NCKIPSD: variants seen among roughly 807,000 people sequenced by gnomAD.
The protein encoded by NCKIPSD is NCK interacting protein with SH3 domain.
Under a neutral mutation model 73.4 loss-of-function variants are expected in NCKIPSD, and 48 were observed. That is an observed-to-expected ratio of 0.65 (90% CI 0.52 to 0.83). The LOEUF (loss-of-function observed/expected upper bound fraction) is 0.83, where lower values mean the gene tolerates loss of function less well. Ranked by LOEUF, NCKIPSD falls within the 40% of genes least tolerant of loss-of-function variation. The probability of loss-of-function intolerance (pLI) is 0.00; values close to 1 mark genes in which losing one functional copy is unlikely to be tolerated. For synonymous variants in NCKIPSD, 422 were observed against 403.6 expected (o/e 1.05, Z -0.54); for missense variants, 884 against 970.2 (o/e 0.91, Z 1.18).
At position 48,685,795 on chromosome 3, in the gene NCKIPSD, G is replaced by C. The variant is rs893442087; in HGVS notation, c.13C>G (p.Leu5Val). ...GGCTCCGCCGAGCGGAACGCGTACA[G>C]CGCGCGGTACATGAGGCCGGGCAGG... MYRA[L>V]YAFRSAEPNA... Residue 5 changes from leucine to valine, a missense_variant, in exon 1 of 13, where the codon CTG becomes GTG. By Grantham distance (32) the Leu-to-Val change is conservative (BLOSUM62 1). Transcript: ENST00000294129. 6.6e-7 allele frequency: 1 copy of C among 1,515,802 alleles called. No individual in the cohort carries two copies. Among genetic ancestry groups the C allele is most frequent in the Non-Finnish European group, 8.8e-7 (1 of 1,141,456 alleles). The allele number at this position is 1,515,802 out of a possible 1,614,324, so 93.9% of individuals were successfully genotyped here. A position where few individuals can be genotyped will look rare whatever the true frequency, so the allele number is the denominator to read the frequency against.
chr3:48,678,775 T>C, intron 11 of NCKIPSD, 39 bp from the exon 12 acceptor site: 1 of 1,611,106 alleles, frequency 6.2e-7, no homozygotes, highest in Non-Finnish European at 8.5e-7. Flanking sequence ...GTGGACCTTG[T>C]GGGGATCCCA....
chr3:48,675,553 T>C (rs1431470383), intron 12 of NCKIPSD, among the ~76,000 whole-genome samples: 1 of 145,448 alleles, frequency 6.9e-6, no homozygotes, highest in Admixed American at 6.9e-5. Context: ...ATATCATTTT[T>C]TTTTTTGAGA....
chr3:48,679,485 G>A, intron 8 of NCKIPSD, 28 bp from the exon 9 acceptor site: 1 of 1,607,356 alleles, frequency 6.2e-7, no homozygotes, highest in Non-Finnish European at 8.5e-7. Context: ...GGCAGTCAGA[G>A]TCCCCAAAGA....
At chr3:48,680,519 T>C (rs2077334284) in intron 5 of NCKIPSD, among the ~76,000 whole-genome samples, 1 of 152,198 alleles carries the variant, frequency 6.6e-6, no homozygotes, top group African/African-American at 2.4e-5. Context: ...AATGTGACTC[T>C]GAGACCTCAC....
intron 4 of NCKIPSD, 36 bp from the exon 5 acceptor site, chr3:48,681,816 C>G (rs748875508): frequency 6.8e-7 from 1 of 1,463,848 alleles, no homozygotes; most frequent in African/African-American, 1.4e-5. Flanking sequence ...CCAGGGCAGC[C>G]CCCTGGAAAA....
At chr3:48,684,261 T>C (rs545785741) in intron 1 of NCKIPSD, among the ~76,000 whole-genome samples, 2 of 152,192 alleles carry the variant, frequency 1.3e-5, no homozygotes, top group Admixed American at 1.3e-4. Flanking sequence ...GAGAAGATGG[T>C]AGCCTCTCTG....
In NCKIPSD at chr3:48,682,105, T is replaced by C. The variant is rs200513745; in HGVS notation, c.538A>G (p.Thr180Ala). Residue 180 changes from threonine to alanine, a missense_variant, in exon 4 of 13, where the codon ACC becomes GCC. Coordinates refer to ENST00000294129, the MANE Select transcript of NCKIPSD (RefSeq NM_016453.4). ...CGCTTCACTGGTGGGGGCGGTGTGG[T>C]GGGTGCTGCTCGGCGAGGCTGTGGT... ...IPPQPRRAAP[T>A]TPPPPVKRRD... is the part of the protein sequence containing the mutation. The C allele has an allele frequency of 1.3e-5, 21 of 1,601,242 alleles. 1 individual carries two copies. The South Asian group carries it at 2.2e-4, about 17-fold the overall frequency.
rs773184752 is a variant in NCKIPSD, at chr3:48,685,816, G to A, written c.-9C>T. 1 of 1,469,874 alleles carries A rather than the reference G, an allele frequency of 6.8e-7. No homozygotes were observed. Among genetic ancestry groups the A allele is most frequent in the Non-Finnish European group, 8.9e-7 (1 of 1,118,882 alleles). 91.1% of individuals were successfully genotyped at this position (1,469,874 alleles called of 1,614,324 possible). A position where few individuals can be genotyped will look rare whatever the true frequency, so the allele number is the denominator to read the frequency against. ...TACAGCGCGCGGTACATGAGGCCGGGCAGGGCAGGTGCAGGGAAGGTGGCA... is the reference window on the plus strand; with the variant it reads ...TACAGCGCGCGGTACATGAGGCCGGACAGGGCAGGTGCAGGGAAGGTGGCA... On this transcript the variant is annotated 5_prime_UTR_variant, in exon 1 of 13. Coordinates refer to ENST00000294129, the MANE Select transcript of NCKIPSD (RefSeq NM_016453.4).
At chr3:48,677,876 T>C (rs997713131) in intron 12 of NCKIPSD, among the ~76,000 whole-genome samples, 4 of 152,224 alleles carry the variant, frequency 2.6e-5, no homozygotes, top group Admixed American at 6.5e-5. Context: ...TATCTCTGCA[T>C]AGACCACTCC....
intron 5 of NCKIPSD, 102 bp downstream of exon 5, chr3:48,681,185 G>A: frequency 2.0e-6 from 3 of 1,466,604 alleles, no homozygotes; most frequent in Non-Finnish European, 1.8e-6. Flanking sequence ...AGAGCTCAGA[G>A]CCAGAGCTTG....
intron 4 of NCKIPSD, 45 bp downstream of exon 4, chr3:48,681,999 AG>A: frequency 6.4e-7 from 1 of 1,570,706 alleles, no homozygotes; most frequent in African/African-American, 1.3e-5. Context: ...AACCATTCCA[AG>A]CATAGGGTGC....
chr3:48,681,230 G>A (rs1413892662), intron 5 of NCKIPSD, 57 bp downstream of exon 5: 3 of 1,516,226 alleles, frequency 2.0e-6, no homozygotes, highest in South Asian at 1.3e-5. Flanking sequence ...GGACAAGTGT[G>A]TGACGGTGGG....
At chr3:48,675,646 A>T (rs1247607862) in intron 12 of NCKIPSD, among the ~76,000 whole-genome samples, 1 of 150,914 alleles carries the variant, frequency 6.6e-6, no homozygotes, top group Non-Finnish European at 1.5e-5. Context: ...GATTCAAGTG[A>T]TTCTCCTGCC....
chr3:48,683,496 C>T (rs933681262), intron 1 of NCKIPSD, among the ~76,000 whole-genome samples: 3 of 152,178 alleles, frequency 2.0e-5, no homozygotes, highest in African/African-American at 7.2e-5. Flanking sequence ...CAGCCCTGTC[C>T]TTGTAAGGGC....
At chr3:48,680,531 C>G (rs1008296761) in intron 5 of NCKIPSD, among the ~76,000 whole-genome samples, 33 of 152,180 alleles carry the variant, frequency 2.2e-4, no homozygotes, top group African/African-American at 7.7e-4. Flanking sequence ...AGACCTCACT[C>G]TCCCATTCCA....
At chr3:48,685,281 G>A (rs1160116751) in intron 1 of NCKIPSD, among the ~76,000 whole-genome samples, 2 of 151,526 alleles carry the variant, frequency 1.3e-5, no homozygotes, top group African/African-American at 4.9e-5. Flanking sequence ...AAGGATCTGG[G>A]GTCTCAGGGA....
In NCKIPSD at chr3:48,683,177, A is replaced by C. The variant is rs1207790663; in HGVS notation, c.172-165T>G. On this transcript the variant is annotated intron_variant, in intron 1 of 12. Transcript: ENST00000294129. ...CCAGAATATGGAATGGGGTTCTCAA[A>C]CTGTATCACTCAGGGAGCTGAGGCA... 2.3e-6 allele frequency: 3 copies of C among 1,290,140 alleles called. No individual in the cohort carries two copies. The African/African-American group carries it at 4.4e-5, about 19-fold the overall frequency. The allele number at this position is 1,290,140 out of a possible 1,614,324, so 79.9% of individuals were successfully genotyped here.
chr3:48,675,497 A>C (rs554286137), intron 12 of NCKIPSD, among the ~76,000 whole-genome samples: 17 of 129,066 alleles, frequency 1.3e-4, no homozygotes, highest in South Asian at 1.2e-3. Context: ...CTTATGATCT[A>C]TATATATATA....
chr3:48,673,998 C>T lies in NCKIPSD; in HGVS notation c.*546G>A. 1 of 1,071,240 alleles carries T rather than the reference C, an allele frequency of 9.3e-7. No homozygotes were observed. Among genetic ancestry groups the T allele is most frequent in the East Asian group, 4.9e-5 (1 of 20,310 alleles). The allele number at this position is 1,071,240 out of a possible 1,614,324, so 66.4% of individuals were successfully genotyped here. On this transcript the variant is annotated 3_prime_UTR_variant, in exon 13 of 13. Coordinates refer to ENST00000294129, the MANE Select transcript of NCKIPSD (RefSeq NM_016453.4). The stretch of plus-strand genomic sequence containing the variant: ...TTCCATGAGGCTCCAGGATGGATGG[C>T]CTGTCTCCAAGATCCCGCTTTCAAA...
Sources: allele counts gnomAD v4.1 joint callset (sites outside exome capture counted in the v4.1 genomes callset), GRCh38; gene constraint gnomAD v4.1.1; transcripts MANE v1.5; gene names NCBI Gene and HGNC (gene_info 2026-07-23, HGNC 2026-07-21).